Variants in RBFOX3 observed in about 807,000 individuals in gnomAD.
The protein encoded by RBFOX3 is RNA binding protein fox-1 homolog 3.
In RBFOX3, 17 loss-of-function variants were observed where a neutral mutation model predicts 48.7. The observed-to-expected ratio is 0.35, with a 90% CI of 0.24 to 0.52. RBFOX3 has a LOEUF of 0.52. RBFOX3 is among the 20% of genes least tolerant of loss of function. The pLI is 0.94. For missense variants in RBFOX3, 382 were observed against 497.5 expected (o/e 0.77, Z 2.21); for synonymous variants, 212 against 209.5 (o/e 1.01, Z -0.10).
chr17:79,247,216 T>G (rs9901844), intron 3 of RBFOX3, among the ~76,000 whole-genome samples: 1 of 152,102 alleles, frequency 6.6e-6, no homozygotes, highest in Admixed American at 6.5e-5. Flanking sequence ...TAAAAATGCC[T>G]AGGATGAAAG....
At chr17:79,157,843 TG>T (rs2046159599) in intron 4 of RBFOX3, among the ~76,000 whole-genome samples, 1 of 152,158 alleles carries the variant, frequency 6.6e-6, no homozygotes, top group Admixed American at 6.5e-5. Flanking sequence ...GTGCTGCTTA[TG>T]GTCACCGCAC....
intron 8 of RBFOX3, among the ~76,000 whole-genome samples, chr17:79,102,292 G>C (rs1245189175): frequency 1.3e-5 from 2 of 152,236 alleles, no homozygotes; most frequent in Admixed American, 6.5e-5. Context: ...AATAGCAGGG[G>C]TGATGGGTCC....
chr17:79,293,642 G>A (rs1373132877), intron 3 of RBFOX3, among the ~76,000 whole-genome samples: 3 of 152,030 alleles, frequency 2.0e-5, no homozygotes, highest in Admixed American at 1.3e-4. Flanking sequence ...TAGTAGAGAC[G>A]GGGTTTCACC....
chr17:79,209,241 A>G (rs1173374371), intron 4 of RBFOX3, among the ~76,000 whole-genome samples: 2 of 152,112 alleles, frequency 1.3e-5, no homozygotes, highest in African/African-American at 4.8e-5. Flanking sequence ...ATGTGCCCCC[A>G]TCCCAGGAGC....
intron 3 of RBFOX3, among the ~76,000 whole-genome samples, chr17:79,282,182 G>A (rs999987061): frequency 5.3e-5 from 8 of 152,196 alleles, no homozygotes; most frequent in African/African-American, 1.7e-4. Context: ...GGCATGGGGA[G>A]CTATGGGTGG....
chr17:79,442,701 G>A (rs1199277601), intron 2 of RBFOX3, among the ~76,000 whole-genome samples: 1 of 152,030 alleles, frequency 6.6e-6, no homozygotes, highest in African/African-American at 2.4e-5. Flanking sequence ...GCTTCCCTGG[G>A]GCTGCCGTAA....
chr17:79,330,629 C>A (rs949235546), intron 2 of RBFOX3, among the ~76,000 whole-genome samples: 1 of 152,134 alleles, frequency 6.6e-6, no homozygotes, highest in Non-Finnish European at 1.5e-5. Context: ...CTCCCACACC[C>A]CTGACTCTCA....
At chr17:79,313,239 G>T (rs971874855) in intron 2 of RBFOX3, among the ~76,000 whole-genome samples, 3 of 152,204 alleles carry the variant, frequency 2.0e-5, no homozygotes, top group African/African-American at 7.2e-5. Context: ...TATCAAAGGG[G>T]TAGGGCAGGC....
chr17:79,595,873 C>A (rs2093556564), intron 1 of RBFOX3, among the ~76,000 whole-genome samples: 1 of 152,268 alleles, frequency 6.6e-6, no homozygotes, highest in Non-Finnish European at 1.5e-5. Flanking sequence ...ATTGATTCAT[C>A]TGCCATCTTG....
intron 1 of RBFOX3, among the ~76,000 whole-genome samples, chr17:79,512,600 C>T (rs11869012): frequency 0.16 from 18,747 of 119,158 alleles, 785 homozygotes; most frequent in African/African-American, 0.22. Context: ...GGGTACAGCC[C>T]CATGGCCAGG....
the RBFOX3 span, among the ~76,000 whole-genome samples, chr17:79,616,538 GA>G: frequency 0.021 from 2,184 of 102,460 alleles, 19 homozygotes; most frequent in South Asian, 0.035. Context: ...TCCATCTCAA[GA>G]AAAAAAAAAA....
In RBFOX3 at chr17:79,535,181, C is replaced by T. The variant is rs2088509242; in HGVS notation, c.-319-52583G>A. ...CAGGTCCTGTCTCCTGCCTGCTCTG[C>T]TACCCTCAATGTAGGCCTCCCCCTT... On this transcript the variant is annotated intron_variant, in intron 1 of 14. Coordinates refer to ENST00000693108, the MANE Select transcript of RBFOX3 (RefSeq NM_001350451.2). The surrounding 1 kb of genome is among the most constrained non-coding windows in gnomAD (Gnocchi z 4.5). 6.6e-6 allele frequency among the ~76,000 whole-genome samples: 1 copy of T among 152,198 alleles called. No homozygotes were observed. The highest frequency in any genetic ancestry group is 1.5e-5 in the Non-Finnish European group (1 of 68,036).
At chr17:79,396,852 T>G (rs2062048507) in intron 2 of RBFOX3, among the ~76,000 whole-genome samples, 1 of 152,262 alleles carries the variant, frequency 6.6e-6, no homozygotes, top group Non-Finnish European at 1.5e-5. Context: ...GGATCCCTTC[T>G]GAGTGCAGCT....
intron 14 of RBFOX3, among the ~76,000 whole-genome samples, chr17:79,093,226 C>G (rs926780896): frequency 6.6e-6 from 1 of 152,218 alleles, no homozygotes; most frequent in South Asian, 2.1e-4. Context: ...TCCAGCTCTC[C>G]CATGTCCTGG....
chr17:79,325,291 G>A (rs12602329), intron 2 of RBFOX3, among the ~76,000 whole-genome samples: 32,741 of 152,160 alleles, frequency 0.22, 3,839 homozygotes, highest in East Asian at 0.36. Flanking sequence ...TGTGGGGTGC[G>A]GCCTTCCCTG....
chr17:79,608,332 G>A (rs1055536009), intron 1 of RBFOX3, among the ~76,000 whole-genome samples: 203 of 152,350 alleles, frequency 1.3e-3, no homozygotes, highest in Non-Finnish European at 2.5e-3. Context: ...GTAAGGGGCG[G>A]AGCCTAGGGA....
rs993223975 is a variant in RBFOX3, at chr17:79,572,495, C to T, written c.-320+38331G>A. Among the ~76,000 whole-genome samples the T allele has an allele frequency of 3.9e-5, 6 of 152,192 alleles. No homozygotes were observed. In the East Asian group the frequency reaches 9.7e-4, roughly 25 times the overall value. Reference sequence around the variant, plus strand: ...GCCCCTTCTCCCAGACCCCTCCCACCCCAGCTCTGCCCACCAGGCCTCCCT... The same window carrying T: ...GCCCCTTCTCCCAGACCCCTCCCACTCCAGCTCTGCCCACCAGGCCTCCCT... On this transcript the variant is annotated intron_variant, in intron 1 of 14. Transcript: ENST00000693108.
At chr17:79,455,117 G>C (rs1259637186) in intron 2 of RBFOX3, among the ~76,000 whole-genome samples, 1 of 151,944 alleles carries the variant, frequency 6.6e-6, no homozygotes, top group Non-Finnish European at 1.5e-5. Flanking sequence ...GTGTGCACAG[G>C]CCCGGCAGCA....
chr17:79,289,636 C>T (rs1255643845), intron 3 of RBFOX3, among the ~76,000 whole-genome samples: 1 of 152,260 alleles, frequency 6.6e-6, no homozygotes, highest in African/African-American at 2.4e-5. Flanking sequence ...CAGGGGACAG[C>T]CCTTTGGGGC....
Sources: gnomAD v4.1 joint callset for allele counts (sites outside exome capture counted in the v4.1 genomes callset) on GRCh38, gnomAD v4.1.1 for gene constraint, Gnocchi (gnomAD v3.1) non-coding constraint, MANE v1.5 for transcripts, NCBI Gene and HGNC (gene_info 2026-07-23, HGNC 2026-07-21) for gene names.